Variants in ABCD3 observed in about 807,000 individuals in gnomAD.
The protein encoded by ABCD3 is ATP-binding cassette sub-family D member 3.
In ABCD3, 41 loss-of-function variants were observed where a neutral mutation model predicts 105.5. The observed-to-expected ratio is 0.39, with a 90% CI of 0.30 to 0.50. The LOEUF (loss-of-function observed/expected upper bound fraction) is 0.50. ABCD3 is among the 20% of genes least tolerant of loss of function. ABCD3 has a pLI of 0.84. For synonymous variants in ABCD3, 258 were observed against 269.0 expected (o/e 0.96, Z 0.40); for missense variants, 622 against 806.3 (o/e 0.77, Z 2.77).
chr1:94,451,052 A>G (rs1166908392), intron 1 of ABCD3, among the ~76,000 whole-genome samples: 1 of 152,078 alleles, frequency 6.6e-6, no homozygotes, highest in African/African-American at 2.4e-5. Flanking sequence ...CTTCAGTTGT[A>G]TATTTTATTT....
At chr1:94,433,352 C>G (rs140968888) in intron 1 of ABCD3, among the ~76,000 whole-genome samples, 324 of 152,044 alleles carry the variant, frequency 2.1e-3, no homozygotes, top group Middle Eastern at 3.4e-3. Context: ...CGGGATTTCT[C>G]CATTTTGGCT....
intron 1 of ABCD3, among the ~76,000 whole-genome samples, chr1:94,447,129 A>G (rs1210070929): frequency 6.6e-6 from 1 of 152,232 alleles, no homozygotes; most frequent in Non-Finnish European, 1.5e-5. Flanking sequence ...TACCTTTAAA[A>G]TGGTTAACAG....
intron 22 of ABCD3, among the ~76,000 whole-genome samples, chr1:94,515,876 T>C (rs1650897414): frequency 6.6e-6 from 1 of 151,692 alleles, no homozygotes; most frequent in African/African-American, 2.4e-5. Context: ...TTCCTTTCTG[T>C]CTTTCCCCCT....
At chr1:94,386,261 A>G in the ABCD3 span, among the ~76,000 whole-genome samples, 1 of 152,234 alleles carries the variant, frequency 6.6e-6, no homozygotes, top group Non-Finnish European at 1.5e-5. Flanking sequence ...GAAGGCCATG[A>G]TGAGCAACAG....
chr1:94,467,900 T>C lies in ABCD3; in HGVS notation c.247-19T>C. The C allele has an allele frequency of 6.4e-7, 1 of 1,561,660 alleles. No individual in the cohort carries two copies. On this transcript the variant is annotated intron_variant, in intron 3 of 22. Coordinates refer to ENST00000370214, the MANE Select transcript of ABCD3 (RefSeq NM_002858.4). ...TCTAAAATGCATGTATTTAATTTAC[T>C]ATACCTGGTTTATTTTAGACAGGTT...
the ABCD3 span, among the ~76,000 whole-genome samples, chr1:94,390,365 T>G: frequency 1.5e-4 from 23 of 152,110 alleles, no homozygotes; most frequent in Non-Finnish European, 2.8e-4. Context: ...TATAGTGGTG[T>G]GACCTGGGCT....
At chr1:94,436,664 CTG>C (rs1370234328) in intron 1 of ABCD3, among the ~76,000 whole-genome samples, 1 of 152,160 alleles carries the variant, frequency 6.6e-6, no homozygotes, top group African/African-American at 2.4e-5. Flanking sequence ...CTTCATGTCT[CTG>C]TATCATATTA....
At chr1:94,468,147 T>C in intron 4 of ABCD3, 140 bp downstream of exon 4, 1 of 740,960 alleles carries the variant, frequency 1.3e-6, no homozygotes, top group Non-Finnish European at 2.4e-6. Flanking sequence ...GTTCATTTAC[T>C]TAAAAAATAC....
chr1:94,493,142 C>T (rs1433521570), intron 16 of ABCD3, among the ~76,000 whole-genome samples: 2 of 151,670 alleles, frequency 1.3e-5, no homozygotes, highest in African/African-American at 2.4e-5. Context: ...AAGAAACTAC[C>T]ATCAGAGTGA....
At chr1:94,496,884 C>G (rs1281882192) in intron 16 of ABCD3, among the ~76,000 whole-genome samples, 1 of 151,532 alleles carries the variant, frequency 6.6e-6, no homozygotes, top group Non-Finnish European at 1.5e-5. Context: ...TCTCATGCCT[C>G]AGCCTCCTGA....
chr1:94,501,339 C>T (rs1650091753), intron 20 of ABCD3, among the ~76,000 whole-genome samples: 1 of 151,648 alleles, frequency 6.6e-6, no homozygotes, highest in African/African-American at 2.4e-5. Context: ...CCTGTGACAC[C>T]ACTGCATATA....
At chr1:94,403,134 C>T in the ABCD3 span, among the ~76,000 whole-genome samples, 1 of 152,048 alleles carries the variant, frequency 6.6e-6, no homozygotes, top group Non-Finnish European at 1.5e-5. Flanking sequence ...GACATGAACT[C>T]ATCATTTTTT....
At chr1:94,450,050 C>T (rs983431710) in intron 1 of ABCD3, among the ~76,000 whole-genome samples, 1 of 152,188 alleles carries the variant, frequency 6.6e-6, no homozygotes, top group African/African-American at 2.4e-5. Flanking sequence ...TTTAAAGCAA[C>T]CCAGGCACAC....
At position 94,517,411 on chromosome 1, in the gene ABCD3, A is replaced by G; in HGVS notation, c.*282A>G. 2.7e-6 allele frequency: 1 copy of G among 365,972 alleles called. No homozygotes were observed. Among genetic ancestry groups the G allele is most frequent in the Non-Finnish European group, 5.2e-6 (1 of 192,650 alleles). 22.7% of individuals were successfully genotyped at this position (365,972 alleles called of 1,614,324 possible). A position where few individuals can be genotyped will look rare whatever the true frequency, so the allele number is the denominator to read the frequency against. The stretch of plus-strand genomic sequence containing the variant: ...GCCTAAATTAAATTGGGCTTCAATC[A>G]CTGTAACCTGATTCATCCTGGGATG... On this transcript the variant is annotated 3_prime_UTR_variant, in exon 23 of 23. Coordinates refer to ENST00000370214, the MANE Select transcript of ABCD3 (RefSeq NM_002858.4).
intron 21 of ABCD3, 150 bp downstream of exon 21, chr1:94,506,792 G>A (rs940766920): frequency 6.8e-6 from 4 of 591,634 alleles, no homozygotes; most frequent in African/African-American, 3.8e-5. Flanking sequence ...TAAAACATAT[G>A]AATAAAAGAA....
chr1:94,466,072 A>G (rs1648118304), intron 3 of ABCD3, among the ~76,000 whole-genome samples: 1 of 152,202 alleles, frequency 6.6e-6, no homozygotes. Context: ...TTTTTAAAAA[A>G]AGTAATGACA....
At chr1:94,396,361 C>A in the ABCD3 span, among the ~76,000 whole-genome samples, 1 of 152,294 alleles carries the variant, frequency 6.6e-6, no homozygotes, top group East Asian at 1.9e-4. Context: ...ACCTCTTGGA[C>A]CTGACAACAA....
chr1:94,498,389 GA>G (rs1362482734), intron 16 of ABCD3, among the ~76,000 whole-genome samples: 1 of 151,334 alleles, frequency 6.6e-6, no homozygotes, highest in African/African-American at 2.4e-5. Context: ...TTTTTTAAGT[GA>G]AAAAAAAGTA....
intron 1 of ABCD3, among the ~76,000 whole-genome samples, chr1:94,456,767 A>G (rs769782324): frequency 6.6e-6 from 1 of 152,020 alleles, no homozygotes; most frequent in Non-Finnish European, 1.5e-5. Context: ...CTATACCCAG[A>G]AGTGGGAATG....
Sources: allele counts gnomAD v4.1 joint callset (sites outside exome capture counted in the v4.1 genomes callset), GRCh38; gene constraint gnomAD v4.1.1; transcripts MANE v1.5; gene names NCBI Gene and HGNC (gene_info 2026-07-23, HGNC 2026-07-21).